Variants in ALKBH8 observed in about 807,000 individuals in gnomAD.
The protein encoded by ALKBH8 is alkB homolog 8, tRNA methyltransferase, also known as tRNA (carboxymethyluridine(34)-5-O)-methyltransferase ALKBH8.
A neutral mutation model predicts 59.8 loss-of-function variants in ALKBH8; 36 were observed. The ratio of observed to expected loss-of-function variants is 0.60; its 90% CI spans 0.46 to 0.79. The LOEUF (loss-of-function observed/expected upper bound fraction) is 0.79. Among genes scored for constraint, ALKBH8 ranks in the 30% least tolerant of loss-of-function variants. ALKBH8 has a pLI of 0.00. For synonymous variants in ALKBH8, 276 were observed against 273.6 expected (o/e 1.01, Z -0.09); for missense variants, 768 against 801.0 (o/e 0.96, Z 0.50).
At chr11:107,563,322 A>C (rs1865009130) in intron 1 of ALKBH8, among the ~76,000 whole-genome samples, 2 of 152,216 alleles carry the variant, frequency 1.3e-5, no homozygotes. Context: ...TAGTTACCAC[A>C]GAGCCTCATT....
In ALKBH8 at chr11:107,528,334, G is replaced by C. The variant is rs74793058; in HGVS notation, c.879-2742C>G. Among the ~76,000 whole-genome samples the C allele has an allele frequency of 2.0e-5, 3 of 151,942 alleles. No individual in the cohort carries two copies. In the East Asian group the frequency reaches 5.8e-4, roughly 29 times the overall value. On this transcript the variant is annotated intron_variant, in intron 8 of 11. Coordinates refer to ENST00000428149, the MANE Select transcript of ALKBH8 (RefSeq NM_138775.3). ...ATGCCAGCCTCATAAAACAAAGTAG[G>C]AGAATGGCTTTTTTATTATTATGAT...
intron 2 of ALKBH8, among the ~76,000 whole-genome samples, chr11:107,560,281 T>G (rs957029273): frequency 6.6e-6 from 1 of 152,176 alleles, no homozygotes; most frequent in Admixed American, 6.5e-5. Context: ...TAAAAATGTT[T>G]AACAGCACAT....
At chr11:107,516,181 G>A (rs561061909) in intron 10 of ALKBH8, among the ~76,000 whole-genome samples, 5 of 152,134 alleles carry the variant, frequency 3.3e-5, no homozygotes, top group South Asian at 2.1e-4. Context: ...GTTGAAAGTC[G>A]TTAAATGGTG....
Position 107,524,292 on chromosome 11 carries a change from G to A in ALKBH8, c.1030+1149C>T, listed in dbSNP as rs551700842. Among the ~76,000 whole-genome samples, 5 of 151,946 alleles carry A rather than the reference G, an allele frequency of 3.3e-5. No homozygotes were observed. The South Asian group carries it at 1.0e-3, about 32-fold the overall frequency. ...TTGTCCAAGCTGATTTTGAACTCCT[G>A]GCCTCAAGCAATTCTCTTGCCTCAG... On this transcript the variant is annotated intron_variant, in intron 9 of 11. Transcript: ENST00000428149.
At position 107,532,406 on chromosome 11, in the gene ALKBH8, T is replaced by C. The variant is rs984557954; in HGVS notation, c.772A>G (p.Ile258Val). ...TCTGGGTGCTTAAAATCCATGACAA[T>C]CTTGAAGCAAAGATAAAAGCATAAA... Reference protein sequence around the residue: ...EIVSLSLGSEIVMDFKHPDGI... With the variant: ...EIVSLSLGSEVVMDFKHPDGI... Residue 258 changes from isoleucine (I) to valine (V), a missense_variant and splice_region_variant, in exon 8 of 12, where the codon ATT becomes GTT. Coordinates refer to ENST00000428149, the MANE Select transcript of ALKBH8 (RefSeq NM_138775.3). The C allele has an allele frequency of 3.7e-6, 6 of 1,611,572 alleles. No individual in the cohort carries two copies. The African/African-American group carries it at 6.7e-5, about 18-fold the overall frequency.
At chr11:107,507,268 C>T (rs1049611673) in intron 11 of ALKBH8, among the ~76,000 whole-genome samples, 1 of 152,088 alleles carries the variant, frequency 6.6e-6, no homozygotes, top group Non-Finnish European at 1.5e-5. Flanking sequence ...CAAAGTAACA[C>T]ACATTGTATT....
intron 7 of ALKBH8, among the ~76,000 whole-genome samples, chr11:107,543,520 C>T (rs1347198566): frequency 6.6e-6 from 1 of 152,140 alleles, no homozygotes; most frequent in Non-Finnish European, 1.5e-5. Context: ...TGTACCCATG[C>T]CCTGAATATT....
chr11:107,515,499 G>A (rs1172077080), intron 10 of ALKBH8, among the ~76,000 whole-genome samples: 1 of 151,996 alleles, frequency 6.6e-6, no homozygotes, highest in African/African-American at 2.4e-5. Flanking sequence ...GGGACTACAG[G>A]TGCACGCCAT....
In ALKBH8 at chr11:107,522,311, C is replaced by T. The variant is rs971095710; in HGVS notation, c.1275G>A (p.Lys425=). Residue 425 remains lysine, a synonymous_variant, in exon 10 of 12, where the codon AAG becomes AAA. Transcript: ENST00000428149. Reference sequence around the variant, plus strand: ...CAACATTACTTGCCATATATAACTCCTTATTGATGCCAAGATACTTTCCAT... The same window carrying T: ...CAACATTACTTGCCATATATAACTCTTTATTGATGCCAAGATACTTTCCAT... The part of the protein sequence containing the change: ...CGNGKYLGIN[K]ELYMIGCDRS... The T allele has an allele frequency of 2.6e-6, 4 of 1,551,548 alleles. No individual in the cohort carries two copies. Among genetic ancestry groups the T allele is most frequent in the Non-Finnish European group, 3.5e-6 (4 of 1,146,932 alleles).
chr11:107,548,716 A>C (rs1428129654), intron 7 of ALKBH8, among the ~76,000 whole-genome samples: 2 of 152,224 alleles, frequency 1.3e-5, no homozygotes, highest in Non-Finnish European at 2.9e-5. Flanking sequence ...CTAATGATGG[A>C]AACTATACAA....
rs60200073 is a variant in ALKBH8, at chr11:107,504,163, C to T, written c.*495G>A. 5,724 of 233,840 alleles carry T rather than the reference C, an allele frequency of 0.024. 296 individuals are homozygous for T. Among genetic ancestry groups the T allele is most frequent in the African/African-American group, 0.12 (5,194 of 44,066 alleles). The allele number at this position is 233,840 out of a possible 1,614,324, so 14.5% of individuals were successfully genotyped here. On this transcript the variant is annotated 3_prime_UTR_variant, in exon 12 of 12. Transcript: ENST00000428149. ...GATTGACTAAACGTTATTGGACACC[C>T]GCTATACGTCCAGCCCTGGGCTAGT...
intron 3 of ALKBH8, among the ~76,000 whole-genome samples, chr11:107,556,054 C>T (rs1324039340): frequency 6.6e-6 from 1 of 152,040 alleles, no homozygotes; most frequent in Non-Finnish European, 1.5e-5. Flanking sequence ...CCAAGGCAGG[C>T]GGATTACGAG....
chr11:107,543,029 T>A (rs645663), intron 7 of ALKBH8, among the ~76,000 whole-genome samples: 1 of 151,794 alleles, frequency 6.6e-6, no homozygotes, highest in Non-Finnish European at 1.5e-5. Flanking sequence ...CAGTGGACGG[T>A]GAATCGCTGA....
At chr11:107,540,785 G>C (rs1347757084) in intron 7 of ALKBH8, among the ~76,000 whole-genome samples, 6 of 151,998 alleles carry the variant, frequency 3.9e-5, no homozygotes, top group Non-Finnish European at 7.4e-5. Flanking sequence ...CATATGAAAA[G>C]GTTATAGAAG....
chr11:107,508,240 G>A lies in ALKBH8; in HGVS notation c.1437+2647C>T, dbSNP rs539841016. On this transcript the variant is annotated intron_variant, in intron 11 of 11. Coordinates refer to ENST00000428149, the MANE Select transcript of ALKBH8 (RefSeq NM_138775.3). ...GCTGGAGTACAGTGGGCACGATCTCGGCTCACTGCAACTTCCACACCTCCT... is the reference window on the plus strand; with the variant it reads ...GCTGGAGTACAGTGGGCACGATCTCAGCTCACTGCAACTTCCACACCTCCT... Among the ~76,000 whole-genome samples, 3 of 149,268 alleles carry A rather than the reference G, an allele frequency of 2.0e-5. No homozygotes were observed. In the South Asian group the frequency reaches 6.3e-4, roughly 32 times the overall value.
chr11:107,519,851 A>T, intron 10 of ALKBH8, among the ~76,000 whole-genome samples: 1 of 152,216 alleles, frequency 6.6e-6, no homozygotes, highest in East Asian at 1.9e-4. Flanking sequence ...GCTACTTACT[A>T]TCTCAAAGCC....
chr11:107,534,456 T>C (rs1863726330), intron 7 of ALKBH8, among the ~76,000 whole-genome samples: 1 of 152,232 alleles, frequency 6.6e-6, no homozygotes, highest in South Asian at 2.1e-4. Flanking sequence ...AGACAAGCTC[T>C]ATATCCACCT....
chr11:107,527,591 A>C (rs1219976611), intron 8 of ALKBH8, among the ~76,000 whole-genome samples: 1 of 152,012 alleles, frequency 6.6e-6, no homozygotes, highest in Non-Finnish European at 1.5e-5. Context: ...GAGTACTGGA[A>C]AGGAAATATT....
At chr11:107,539,834 G>A (rs1012383061) in intron 7 of ALKBH8, among the ~76,000 whole-genome samples, 4 of 152,174 alleles carry the variant, frequency 2.6e-5, no homozygotes, top group African/African-American at 4.8e-5. Context: ...AACACATCCT[G>A]TAATCAACAT....
Sources: allele counts gnomAD v4.1 joint callset (sites outside exome capture counted in the v4.1 genomes callset), GRCh38; gene constraint gnomAD v4.1.1; transcripts MANE v1.5; gene names NCBI Gene and HGNC (gene_info 2026-07-23, HGNC 2026-07-21).